IP6K1: variants seen among roughly 807,000 people sequenced by gnomAD.
IP6K1 encodes inositol hexakisphosphate kinase 1.
A neutral mutation model predicts 38.3 loss-of-function variants in IP6K1; 13 were observed. The ratio of observed to expected loss-of-function variants is 0.34; its 90% confidence interval spans 0.22 to 0.54. The LOEUF (loss-of-function observed/expected upper bound fraction) is 0.54. Among genes scored for constraint, IP6K1 ranks in the 20% least tolerant of loss-of-function variants. The pLI, the probability that IP6K1 is intolerant of heterozygous loss-of-function variation, is 0.92. For missense variants in IP6K1, 397 were observed against 599.8 expected, an observed-to-expected ratio of 0.66 and a Z score of 3.53; for synonymous variants, 212 against 229.9, an observed-to-expected ratio of 0.92 and a Z score of 0.70.
chr3:49,768,126 G>T (rs900936315), intron 1 of IP6K1, among the ~76,000 whole-genome samples: 2 of 151,828 alleles, frequency 1.3e-5, no homozygotes, highest in Non-Finnish European at 2.9e-5. Context: ...AAAGAAGACA[G>T]TATGGCAATT....
rs1189536144 is a variant in IP6K1 at position 49,729,441 on chromosome 3, C to T, written c.617-1163G>A. Among the ~76,000 whole-genome samples, 3 of 150,222 alleles carry T rather than the reference C, an allele frequency of 2.0e-5. No individual in the cohort carries two copies. The East Asian group carries it at 5.9e-4, about 29-fold the overall frequency. On this transcript the variant is annotated intron_variant, in intron 4 of 5. Coordinates refer to ENST00000321599, the MANE Select transcript of IP6K1 (RefSeq NM_153273.4). Reference sequence around the variant, plus strand: ...ATTTTTTTTTTGAGACGGAGTTTCGCTCGTTGCCCAGGCTGGAGTGCAATG... The same window carrying T: ...ATTTTTTTTTTGAGACGGAGTTTCGTTCGTTGCCCAGGCTGGAGTGCAATG...
chr3:49,729,448 C>T (rs1315702075), intron 4 of IP6K1, among the ~76,000 whole-genome samples: 1 of 150,720 alleles, frequency 6.6e-6, no homozygotes, highest in African/African-American at 2.4e-5. Flanking sequence ...TCGCTCGTTG[C>T]CCAGGCTGGA....
At chr3:49,752,971 G>A (rs945794922) in intron 1 of IP6K1, among the ~76,000 whole-genome samples, 1 of 151,702 alleles carries the variant, frequency 6.6e-6, no homozygotes, top group Admixed American at 6.6e-5. Flanking sequence ...TGTTGGCCAG[G>A]CTGGTCTGAA....
chr3:49,738,446 A>T (rs778491196), intron 2 of IP6K1, 24 bp from the exon 3 acceptor site: 14 of 1,586,748 alleles, frequency 8.8e-6, no homozygotes, highest in Non-Finnish European at 1.2e-5. Flanking sequence ...GGCAGTTGGT[A>T]AACAAATGTC....
chr3:49,762,963 G>C (rs1488588654), intron 1 of IP6K1, among the ~76,000 whole-genome samples: 1 of 151,828 alleles, frequency 6.6e-6, no homozygotes, highest in African/African-American at 2.4e-5. Flanking sequence ...GTAGAGACGG[G>C]GTTTCACCAC....
chr3:49,780,049 T>C (rs1679599776), intron 1 of IP6K1, among the ~76,000 whole-genome samples: 1 of 152,072 alleles, frequency 6.6e-6, no homozygotes, highest in South Asian at 2.1e-4. Flanking sequence ...ATTTTAGACT[T>C]GAAAAGAGTC....
chr3:49,731,249 G>A (rs2080559340), intron 4 of IP6K1, among the ~76,000 whole-genome samples: 1 of 151,884 alleles, frequency 6.6e-6, no homozygotes, highest in Non-Finnish European at 1.5e-5. Context: ...TTGTGTAAAG[G>A]TACAGACTTA....
rs1407325464 is a variant in IP6K1 at position 49,778,742 on chromosome 3, T to TA, written c.-129+7611dup. On this transcript the variant is annotated intron_variant, in intron 1 of 5. Transcript: ENST00000321599. ...CCAGACACAAGCGATCCTCCCATCT[T>TA]AGACTCCCCAGTAGCTGGAGTTACA... Among the ~76,000 whole-genome samples the TA allele has an allele frequency of 3.9e-5, 6 of 152,248 alleles. 1 individual carries two copies. Among genetic ancestry groups the TA allele is most frequent in the Non-Finnish European group, 7.4e-5 (5 of 68,006 alleles).
chr3:49,747,151 C>T (rs2080727336), intron 2 of IP6K1, among the ~76,000 whole-genome samples: 1 of 151,896 alleles, frequency 6.6e-6, no homozygotes, highest in African/African-American at 2.4e-5. Context: ...ACAGTGTTAA[C>T]CTGACTGAAA....
chr3:49,731,090 T>C (rs139302087), intron 4 of IP6K1, among the ~76,000 whole-genome samples: 1 of 150,466 alleles, frequency 6.6e-6, no homozygotes, highest in Non-Finnish European at 1.5e-5. Context: ...TTTATATATA[T>C]AAATATATTT....
rs2081000915 is a variant in IP6K1, at chr3:49,775,684, C to A, written c.-129+10670G>T. 8.2e-6 allele frequency: 4 copies of A among 490,546 alleles called. No individual in the cohort carries two copies. In the East Asian group the frequency reaches 1.7e-4, roughly 21 times the overall value. The allele number at this position is 490,546 out of a possible 1,614,324, so 30.4% of individuals were successfully genotyped here. A position where few individuals can be genotyped will look rare whatever the true frequency, so the allele number is the denominator to read the frequency against. ...CGGCTAGAAAAGATGCCTGCTACTC[C>A]CGGCAGAAAGGGAGCAGAGCCCAGA... is the stretch of plus-strand genomic sequence containing the variant. On this transcript the variant is annotated intron_variant, in intron 1 of 5. Transcript: ENST00000321599.
At chr3:49,747,668 C>T in intron 2 of IP6K1, 150 bp downstream of exon 2, 3 of 980,554 alleles carry the variant, frequency 3.1e-6, no homozygotes, top group Non-Finnish European at 4.5e-6. Context: ...CTGATGCTTT[C>T]AGCCTCTAAT....
Position 49,765,645 on chromosome 3 carries a change from TAAAAAAA to T in IP6K1, c.-128-17484_-128-17478del, listed in dbSNP as rs34536749. Among the ~76,000 whole-genome samples the T allele has an allele frequency of 1.5e-4, 19 of 125,782 alleles. 1 individual carries two copies. Among genetic ancestry groups the T allele is most frequent in the Middle Eastern group, 8.0e-3 (2 of 250 alleles). 82.5% of individuals were successfully genotyped at this position (125,782 alleles called of 152,430 possible). A position where few individuals can be genotyped will look rare whatever the true frequency, so the allele number is the denominator to read the frequency against. The stretch of plus-strand genomic sequence containing the variant: ...CCTGGCAACAGAGCGAGACTCGTCT[TAAAAAAA>T]AAAAAAAAAAAAGGGCCGCTGTCAC... On this transcript the variant is annotated intron_variant, in intron 1 of 5. Coordinates refer to ENST00000321599, the MANE Select transcript of IP6K1 (RefSeq NM_153273.4).
At position 49,748,120 on chromosome 3, in the gene IP6K1, G is replaced by C; in HGVS notation, c.-80C>G. 1 of 1,468,804 alleles carries C rather than the reference G, an allele frequency of 6.8e-7. No homozygotes were observed. The highest frequency in any genetic ancestry group is 9.5e-7 in the Non-Finnish European group (1 of 1,056,492). 91.0% of individuals were successfully genotyped at this position (1,468,804 alleles called of 1,614,324 possible). On this transcript the variant is annotated 5_prime_UTR_variant, in exon 2 of 6. Coordinates refer to ENST00000321599, the MANE Select transcript of IP6K1 (RefSeq NM_153273.4). ...AAAGGAGAGCTACATAGAAGGTCCT[G>C]GCCAGGTGAAAGCCAATGGTCAGAT...
intron 2 of IP6K1, among the ~76,000 whole-genome samples, chr3:49,739,835 C>T (rs2080650306): frequency 1.3e-5 from 2 of 151,614 alleles, no homozygotes; most frequent in Admixed American, 6.6e-5. Flanking sequence ...GCCAACATGT[C>T]GAAACCCCAT....
chr3:49,768,257 T>C (rs779039822), intron 1 of IP6K1, among the ~76,000 whole-genome samples: 2 of 152,188 alleles, frequency 1.3e-5, no homozygotes, highest in Admixed American at 6.5e-5. Context: ...TTCACAGCAT[T>C]ATTCACAATA....
intron 1 of IP6K1, among the ~76,000 whole-genome samples, chr3:49,760,968 A>G (rs961940141): frequency 6.6e-6 from 1 of 152,236 alleles, no homozygotes; most frequent in Non-Finnish European, 1.5e-5. Flanking sequence ...TATATGCTAT[A>G]CTGATTCAGC....
At chr3:49,730,627 A>G (rs2080553948) in intron 4 of IP6K1, among the ~76,000 whole-genome samples, 1 of 152,048 alleles carries the variant, frequency 6.6e-6, no homozygotes, top group Non-Finnish European at 1.5e-5. Context: ...GCTCACTGCA[A>G]CCTCTGCCTC....
intron 1 of IP6K1, among the ~76,000 whole-genome samples, chr3:49,768,636 G>A (rs994087332): frequency 5.9e-5 from 9 of 152,100 alleles, no homozygotes; most frequent in Admixed American, 4.6e-4. Flanking sequence ...CGGCCGTGGT[G>A]GCGGGCACCT....
Sources: allele counts gnomAD v4.1 joint callset (sites outside exome capture counted in the v4.1 genomes callset), GRCh38; gene constraint gnomAD v4.1.1; transcripts MANE v1.5; gene names NCBI Gene and HGNC (gene_info 2026-07-23, HGNC 2026-07-21).